The following CACNA2D3 variants were observed in gnomAD, a reference collection of about 807,000 sequenced individuals.
CACNA2D3 encodes calcium voltage-gated channel auxiliary subunit alpha2delta 3.
A neutral mutation model predicts 160.6 loss-of-function variants in CACNA2D3; 60 were observed. The ratio of observed to expected loss-of-function variants is 0.37; its 90% confidence interval spans 0.30 to 0.46. The LOEUF is 0.46. Ranked by LOEUF, CACNA2D3 falls within the 20% of genes least tolerant of loss-of-function variation. The probability of loss-of-function intolerance (pLI) is 1.00; values close to 1 mark genes in which losing one functional copy is unlikely to be tolerated. For missense variants in CACNA2D3, 1,205 were observed against 1,365.0 expected, an observed-to-expected ratio of 0.88 and a Z score of 1.85; for synonymous variants, 558 against 492.9, an observed-to-expected ratio of 1.13 and a Z score of -1.75.
chr3:54,598,357 GA>G (rs915759911), intron 9 of CACNA2D3, among the ~76,000 whole-genome samples: 3 of 86,162 alleles, frequency 3.5e-5, no homozygotes, highest in African/African-American at 8.3e-5. Flanking sequence ...AAAGAAAAAA[GA>G]AAAAAATCTA....
chr3:54,791,811 TTC>T (rs1415743310), intron 13 of CACNA2D3, among the ~76,000 whole-genome samples: 1 of 152,022 alleles, frequency 6.6e-6, no homozygotes, highest in African/African-American at 2.4e-5. Context: ...CATTTTAGAG[TTC>T]TGAAGTTTTT....
At chr3:54,127,570 G>A (rs1040979920) in intron 2 of CACNA2D3, among the ~76,000 whole-genome samples, 3 of 152,172 alleles carry the variant, frequency 2.0e-5, no homozygotes, top group Non-Finnish European at 2.9e-5. Context: ...TGGGGGAGGC[G>A]CTGTTTTGCT....
intron 5 of CACNA2D3, among the ~76,000 whole-genome samples, chr3:54,555,745 A>G (rs188878308): frequency 6.6e-6 from 1 of 152,328 alleles, no homozygotes; most frequent in African/African-American, 2.4e-5. Context: ...CCTGGATTAC[A>G]CATTGACCAA....
rs1281549828 is a variant in CACNA2D3 at position 54,288,877 on chromosome 3, C to T, written c.205-31565C>T. On this transcript the variant is annotated intron_variant, in intron 2 of 37. Transcript: ENST00000474759. ...GCCTTTGACAAAATTCAACAACCTTCATGCTAAAAACTCAAGAAATTAGGT... is the reference window on the plus strand; with the variant it reads ...GCCTTTGACAAAATTCAACAACCTTTATGCTAAAAACTCAAGAAATTAGGT... 2.0e-5 allele frequency among the ~76,000 whole-genome samples: 3 copies of T among 152,310 alleles called. No individual in the cohort carries two copies. In the East Asian group the frequency reaches 5.8e-4, roughly 29 times the overall value.
intron 2 of CACNA2D3, among the ~76,000 whole-genome samples, chr3:54,174,882 A>G (rs1700647156): frequency 6.6e-6 from 1 of 152,154 alleles, no homozygotes; most frequent in Non-Finnish European, 1.5e-5. Context: ...GGAGATGGAC[A>G]TTTGGTAGTG....
intron 27 of CACNA2D3, chr3:54,925,283 C>G: frequency 2.3e-6 from 3 of 1,326,652 alleles, no homozygotes; most frequent in Non-Finnish European, 3.1e-6. Flanking sequence ...ACTTTTCCGC[C>G]TTTGAATTTA....
At chr3:54,540,408 A>G (rs1701953599) in intron 5 of CACNA2D3, among the ~76,000 whole-genome samples, 2 of 152,216 alleles carry the variant, frequency 1.3e-5, no homozygotes, top group African/African-American at 4.8e-5. Flanking sequence ...ATTTGCCGTT[A>G]TCTTCCCCAA....
intron 35 of CACNA2D3, among the ~76,000 whole-genome samples, chr3:55,069,223 A>G (rs897299830): frequency 6.6e-6 from 1 of 152,150 alleles, no homozygotes; most frequent in African/African-American, 2.4e-5. Flanking sequence ...ATGATTGTCC[A>G]GACTATTCTC....
chr3:54,793,045 G>C (rs1430769179), intron 13 of CACNA2D3, among the ~76,000 whole-genome samples: 1 of 152,174 alleles, frequency 6.6e-6, no homozygotes, highest in Non-Finnish European at 1.5e-5. Context: ...TGGAGATTTT[G>C]TTTATGTCCA....
chr3:54,707,346 G>C (rs1559554727), intron 11 of CACNA2D3, among the ~76,000 whole-genome samples: 1 of 152,224 alleles, frequency 6.6e-6, no homozygotes, highest in Non-Finnish European at 1.5e-5. Context: ...TGTTCATTAT[G>C]TTCATTGGAT....
chr3:54,623,995 T>A (rs1699042780), intron 9 of CACNA2D3, among the ~76,000 whole-genome samples: 1 of 151,930 alleles, frequency 6.6e-6, no homozygotes, highest in Admixed American at 6.6e-5. Flanking sequence ...GAGGGTGATC[T>A]GGGTCAGGGT....
At chr3:54,768,029 T>C (rs186673665) in intron 13 of CACNA2D3, among the ~76,000 whole-genome samples, 75 of 152,270 alleles carry the variant, frequency 4.9e-4, no homozygotes, top group African/African-American at 1.7e-3. Context: ...AAATCACTAT[T>C]TTGCAACCAT....
At chr3:54,794,575 C>A (rs7638223) in intron 13 of CACNA2D3, among the ~76,000 whole-genome samples, 1 of 151,146 alleles carries the variant, frequency 6.6e-6, no homozygotes, top group Admixed American at 6.6e-5. Flanking sequence ...CTATAGTTCA[C>A]CTCTGCTGGC....
intron 5 of CACNA2D3, among the ~76,000 whole-genome samples, chr3:54,547,228 G>T (rs932056228): frequency 6.6e-6 from 1 of 152,210 alleles, no homozygotes; most frequent in African/African-American, 2.4e-5. Context: ...TTCCTAGCGT[G>T]TATCATACCC....
At chr3:54,559,378 C>T (rs985540031) in intron 5 of CACNA2D3, among the ~76,000 whole-genome samples, 9 of 152,106 alleles carry the variant, frequency 5.9e-5, no homozygotes, top group Middle Eastern at 3.4e-3. Flanking sequence ...GCTCAACCTC[C>T]GCCTCCCAGG....
chr3:54,159,021 C>G (rs187804444), intron 2 of CACNA2D3, among the ~76,000 whole-genome samples: 134 of 152,330 alleles, frequency 8.8e-4, no homozygotes, highest in Middle Eastern at 3.4e-3. Context: ...CACTGCCCAG[C>G]AATTGTATTG....
At position 55,073,571 on chromosome 3, in the gene CACNA2D3, T is replaced by C; in HGVS notation, c.3100+14T>C. 1 of 1,597,394 alleles carries C rather than the reference T, an allele frequency of 6.3e-7. No homozygotes were observed. The highest frequency in any genetic ancestry group is 8.6e-7 in the Non-Finnish European group (1 of 1,164,814). On this transcript the variant is annotated intron_variant, in intron 36 of 37. Coordinates refer to ENST00000474759, the MANE Select transcript of CACNA2D3 (RefSeq NM_018398.3). ...TTGAAATCAGGTATATCCTTTTGTGTGCAGGTCCACTCACTACCACGGAAA... is the reference window on the plus strand; with the variant it reads ...TTGAAATCAGGTATATCCTTTTGTGCGCAGGTCCACTCACTACCACGGAAA...
intron 3 of CACNA2D3, among the ~76,000 whole-genome samples, chr3:54,349,530 G>A (rs1430485136): frequency 1.3e-5 from 2 of 152,152 alleles, no homozygotes; most frequent in African/African-American, 4.8e-5. Flanking sequence ...TCTTTTCGGA[G>A]CATTGCTGTG....
At chr3:54,521,500 T>C (rs963733675) in intron 5 of CACNA2D3, among the ~76,000 whole-genome samples, 4 of 152,220 alleles carry the variant, frequency 2.6e-5, no homozygotes, top group Admixed American at 6.5e-5. Context: ...GAGTTGTCTT[T>C]TTTGCTTTCT....
Sources: allele counts gnomAD v4.1 joint callset (sites outside exome capture counted in the v4.1 genomes callset), GRCh38; gene constraint gnomAD v4.1.1; transcripts MANE v1.5; gene names NCBI Gene and HGNC (gene_info 2026-07-23, HGNC 2026-07-21).